TAFA5: variants seen among roughly 807,000 people sequenced by gnomAD.
TAFA5 encodes the protein chemokine-like protein TAFA-5.
A neutral mutation model predicts 15.3 loss-of-function variants in TAFA5; 6 were observed. That is an observed-to-expected ratio of 0.39 (90% CI 0.21 to 0.77). The LOEUF is 0.77. Among genes scored for constraint, TAFA5 ranks in the 30% least tolerant of loss-of-function variants. The pLI, the probability that TAFA5 is intolerant of heterozygous loss-of-function variation, is 0.41. For missense variants in TAFA5, 161 were observed against 193.1 expected, an observed-to-expected ratio of 0.83 and a Z score of 0.98; for synonymous variants, 103 against 80.7, an observed-to-expected ratio of 1.28 and a Z score of -1.48.
At chr22:48,508,883 C>T (rs147695258) in intron 1 of TAFA5, among the ~76,000 whole-genome samples, 9 of 152,188 alleles carry the variant, frequency 5.9e-5, no homozygotes, top group African/African-American at 2.2e-4. Flanking sequence ...TAGCTGTGGT[C>T]GCCCTACTGT....
At position 48,520,278 on chromosome 22, in the gene TAFA5, C is replaced by T. The variant is rs192972605; in HGVS notation, c.112+30574C>T. ...CCGGGTTTGTGGGATTTTGTTATGC[C>T]GACACAGGCCACTAACACGCCACCC... is the stretch of plus-strand genomic sequence containing the variant. On this transcript the variant is annotated intron_variant, in intron 1 of 3. Transcript: ENST00000402357. 1.4e-3 allele frequency among the ~76,000 whole-genome samples: 219 copies of T among 152,292 alleles called. 1 individual carries two copies. Among genetic ancestry groups the T allele is most frequent in the Non-Finnish European group, 2.5e-3 (168 of 68,016 alleles).
chr22:48,747,125 C>T (rs1323777410), intron 3 of TAFA5, among the ~76,000 whole-genome samples: 1 of 152,226 alleles, frequency 6.6e-6, no homozygotes, highest in East Asian at 1.9e-4. Context: ...CGGCCCTGCC[C>T]TGCCCTAATG....
intron 1 of TAFA5, among the ~76,000 whole-genome samples, chr22:48,614,280 C>T (rs564602769): frequency 1.6e-4 from 24 of 152,352 alleles, no homozygotes; most frequent in Non-Finnish European, 1.2e-4. Context: ...ACTGCAGACA[C>T]CCATCTGCCC....
At chr22:48,572,524 G>A (rs1923624852) in intron 1 of TAFA5, among the ~76,000 whole-genome samples, 1 of 152,172 alleles carries the variant, frequency 6.6e-6, no homozygotes, top group Non-Finnish European at 1.5e-5. Context: ...TGCTTCTCAT[G>A]AGTGACCAAA....
intron 1 of TAFA5, among the ~76,000 whole-genome samples, chr22:48,509,181 G>A (rs139282296): frequency 3.5e-4 from 53 of 152,306 alleles, no homozygotes; most frequent in African/African-American, 1.2e-3. Context: ...CAGTGTGTGT[G>A]TGGCACCTTT....
In TAFA5 at chr22:48,614,831, G is replaced by A. The variant is rs144978139; in HGVS notation, c.113-31766G>A. ...AGTGTGTGAGACAGATGTGGGGGCC[G>A]GGGTAGGCACTGGGGGTGGCACTGG... is the stretch of plus-strand genomic sequence containing the variant. On this transcript the variant is annotated intron_variant, in intron 1 of 3. Coordinates refer to ENST00000402357, the MANE Select transcript of TAFA5 (RefSeq NM_001082967.3). Among the ~76,000 whole-genome samples the A allele has an allele frequency of 1.5e-4, 23 of 152,220 alleles. No individual in the cohort carries two copies. The East Asian group carries it at 4.1e-3, about 27-fold the overall frequency.
chr22:48,579,006 C>G (rs536291971), intron 1 of TAFA5, among the ~76,000 whole-genome samples: 2 of 152,334 alleles, frequency 1.3e-5, no homozygotes, highest in Non-Finnish European at 2.9e-5. Flanking sequence ...TGGGAAAGAG[C>G]TGTTTAAATA....
At chr22:48,545,059 G>T in intron 1 of TAFA5, 1 of 360,640 alleles carries the variant, frequency 2.8e-6, no homozygotes. Context: ...ACTCTCAGGG[G>T]AACCATGACT....
chr22:48,598,980 G>A lies in TAFA5; in HGVS notation c.113-47617G>A, dbSNP rs28427538. Among the ~76,000 whole-genome samples the A allele has an allele frequency of 0.39, 59,935 of 151,954 alleles. 12,407 individuals carry two copies. The highest frequency in any genetic ancestry group is 0.48 in the Admixed American group (7,267 of 15,272). On this transcript the variant is annotated intron_variant, in intron 1 of 3. Transcript: ENST00000402357. This position sits in a 1 kb window ranked among gnomAD's most constrained non-coding sequence, Gnocchi z 4.0. ...CTGCTTGTTGTAAAGGGTATGACGG[G>A]CTGTGCCAGCTGGCAGAGGTGCATA...
chr22:48,744,948 G>A (rs1007620314), intron 3 of TAFA5, among the ~76,000 whole-genome samples: 7 of 152,132 alleles, frequency 4.6e-5, no homozygotes, highest in East Asian at 1.9e-4. Context: ...TAGAGACGGG[G>A]TTTCACCGTG....
chr22:48,628,665 G>A (rs1601626428), intron 1 of TAFA5, among the ~76,000 whole-genome samples: 1 of 152,202 alleles, frequency 6.6e-6, no homozygotes. Flanking sequence ...GAGAAGCAGA[G>A]CTGCCATGCT....
chr22:48,498,698 G>T (rs1245922854), intron 1 of TAFA5, among the ~76,000 whole-genome samples: 1 of 152,242 alleles, frequency 6.6e-6, no homozygotes, highest in African/African-American at 2.4e-5. Flanking sequence ...GCGGGGCTTT[G>T]CGAGCACCCC....
At chr22:48,663,014 G>A (rs944658065) in intron 2 of TAFA5, among the ~76,000 whole-genome samples, 2 of 152,254 alleles carry the variant, frequency 1.3e-5, no homozygotes, top group African/African-American at 2.4e-5. Flanking sequence ...GAGCCTGACT[G>A]ATGGGAGCGG....
intron 2 of TAFA5, among the ~76,000 whole-genome samples, chr22:48,685,555 C>T (rs1312866296): frequency 1.3e-5 from 2 of 152,116 alleles, no homozygotes; most frequent in Non-Finnish European, 2.9e-5. Flanking sequence ...TCCATGTTGT[C>T]AGTCTTATGA....
chr22:48,748,593 C>A (rs2147279214), intron 3 of TAFA5, among the ~76,000 whole-genome samples: 1 of 152,328 alleles, frequency 6.6e-6, no homozygotes, highest in East Asian at 1.9e-4. Context: ...CCCTGAGCCT[C>A]AGGTCCTGTT....
intron 1 of TAFA5, among the ~76,000 whole-genome samples, chr22:48,617,120 A>G (rs560016989): frequency 1.3e-5 from 2 of 152,180 alleles, no homozygotes; most frequent in Non-Finnish European, 2.9e-5. Context: ...GAACCTGCGG[A>G]TGTGTCATTT....
intron 1 of TAFA5, among the ~76,000 whole-genome samples, chr22:48,508,132 G>A (rs563012549): frequency 7.1e-4 from 108 of 152,288 alleles, no homozygotes; most frequent in South Asian, 3.5e-3. Flanking sequence ...GCCCTGATGC[G>A]TGGGCCACTG....
chr22:48,558,810 T>C (rs563898586), intron 1 of TAFA5, among the ~76,000 whole-genome samples: 1 of 152,334 alleles, frequency 6.6e-6, no homozygotes, highest in East Asian at 1.9e-4. Context: ...GAGGATACCC[T>C]GGGTGCCCAC....
intron 2 of TAFA5, among the ~76,000 whole-genome samples, chr22:48,702,051 C>CA (rs776572066): frequency 3.1e-4 from 47 of 152,204 alleles, no homozygotes; most frequent in Non-Finnish European, 5.6e-4. Context: ...GACTCATTGC[C>CA]AGGGAGCCAG....
Sources: allele counts gnomAD v4.1 joint callset (sites outside exome capture counted in the v4.1 genomes callset), GRCh38; gene constraint gnomAD v4.1.1; non-coding constraint Gnocchi (gnomAD v3.1); transcripts MANE v1.5; gene names NCBI Gene and HGNC (gene_info 2026-07-23, HGNC 2026-07-21).